The following PC variants were observed in gnomAD, a reference collection of about 807,000 sequenced individuals.
PC encodes the protein pyruvate carboxylase.
Under a neutral mutation model 107.8 loss-of-function variants are expected in PC, and 46 were observed. That is an observed-to-expected ratio of 0.43 (90% CI 0.34 to 0.55). PC has a LOEUF of 0.55. Among genes scored for constraint, PC ranks in the 20% least tolerant of loss-of-function variants. PC has a pLI of 0.04. For missense variants in PC, 1,241 were observed against 1,643.1 expected (o/e 0.76, Z 4.23); for synonymous variants, 662 against 684.7 (o/e 0.97, Z 0.52).
chr11:66,928,127 C>A (rs1948762906), intron 3 of PC, among the ~76,000 whole-genome samples: 1 of 152,138 alleles, frequency 6.6e-6, no homozygotes, highest in South Asian at 2.1e-4. Flanking sequence ...GTGTCTCACA[C>A]CTGTAATCCA....
chr11:66,929,886 A>G (rs1004824027), intron 3 of PC, among the ~76,000 whole-genome samples: 2 of 152,178 alleles, frequency 1.3e-5, no homozygotes, highest in African/African-American at 4.8e-5. Context: ...CTAAAACCCT[A>G]AGGAGGAGAA....
intron 3 of PC, among the ~76,000 whole-genome samples, chr11:66,907,013 C>T (rs1948186739): frequency 1.3e-5 from 2 of 152,178 alleles, no homozygotes; most frequent in African/African-American, 4.8e-5. Context: ...AACTCCAGGG[C>T]ATTTTGTGAA....
Position 66,851,952 on chromosome 11 carries a change from C to G in PC, c.1826-6G>C. The G allele has an allele frequency of 1.2e-6, 2 of 1,613,720 alleles. No homozygotes were observed. Among genetic ancestry groups the G allele is most frequent in the African/African-American group, 1.3e-5 (1 of 75,050 alleles). On this transcript the variant is annotated splice_region_variant and splice_polypyrimidine_tract_variant and intron_variant, in intron 15 of 22. Coordinates refer to ENST00000393960, the MANE Select transcript of PC (RefSeq NM_001040716.2). Reference sequence around the variant, plus strand: ...GGCGACGTCAAACGTGGCTCCTGCACAGGAACCGAGAGGCCCAGATCAGCT... The same window carrying G: ...GGCGACGTCAAACGTGGCTCCTGCAGAGGAACCGAGAGGCCCAGATCAGCT...
chr11:66,895,410 C>A (rs185806659), intron 3 of PC, among the ~76,000 whole-genome samples: 19 of 152,290 alleles, frequency 1.2e-4, no homozygotes, highest in Admixed American at 1.1e-3. Flanking sequence ...TGGGCAGATT[C>A]ATTCAAAGAG....
chr11:66,853,479 C>T, intron 12 of PC, 96 bp from the exon 13 acceptor site: 1 of 1,449,176 alleles, frequency 6.9e-7, no homozygotes. Context: ...GAAGATGCTG[C>T]CCTGGGCCAG....
At position 66,848,614 on chromosome 11, in the gene PC, C is replaced by G. The variant is rs887649559; in HGVS notation, c.*285G>C. The G allele has an allele frequency of 1.7e-6, 1 of 601,662 alleles. No individual in the cohort carries two copies. Among genetic ancestry groups the G allele is most frequent in the African/African-American group, 1.9e-5 (1 of 53,852 alleles). The allele number at this position is 601,662 out of a possible 1,614,324, so 37.3% of individuals were successfully genotyped here. On this transcript the variant is annotated 3_prime_UTR_variant, in exon 23 of 23. Coordinates refer to ENST00000393960, the MANE Select transcript of PC (RefSeq NM_001040716.2). ...TCCCCCAGGAGATAGGACCCCTAAA[C>G]CTCCCCTGGGTCCTAGGACCACCTG...
At chr11:66,890,676 T>C (rs1196784345) in intron 3 of PC, among the ~76,000 whole-genome samples, 2 of 151,478 alleles carry the variant, frequency 1.3e-5, no homozygotes, top group African/African-American at 4.9e-5. Flanking sequence ...AATTTTGTAT[T>C]TTTAGGAGAG....
chr11:66,907,111 C>A (rs1160275010), intron 3 of PC, among the ~76,000 whole-genome samples: 1 of 152,240 alleles, frequency 6.6e-6, no homozygotes, highest in Non-Finnish European at 1.5e-5. Flanking sequence ...TGACCACTGG[C>A]AGCCATGCCA....
chr11:66,887,282 C>T (rs1947405231), intron 3 of PC, among the ~76,000 whole-genome samples: 1 of 152,084 alleles, frequency 6.6e-6, no homozygotes, highest in Non-Finnish European at 1.5e-5. Context: ...GTCAGCGAAC[C>T]ACCACCAGAT....
At chr11:66,900,175 GTTGT>G (rs1947896263) in intron 3 of PC, among the ~76,000 whole-genome samples, 1 of 72,880 alleles carries the variant, frequency 1.4e-5, no homozygotes, top group African/African-American at 5.2e-5. Flanking sequence ...GTCCTCCAAC[GTTGT>G]TTTTTTTTTT....
intron 1 of PC, among the ~76,000 whole-genome samples, chr11:66,956,222 T>C (rs1232060350): frequency 6.6e-6 from 1 of 152,158 alleles, no homozygotes; most frequent in Non-Finnish European, 1.5e-5. Context: ...CACCCAACAG[T>C]GAAGCTGTTT....
At chr11:66,923,228 G>A (rs1020529029) in intron 3 of PC, among the ~76,000 whole-genome samples, 3 of 152,000 alleles carry the variant, frequency 2.0e-5, no homozygotes, top group Admixed American at 2.0e-4. Flanking sequence ...TGGGCGGGGT[G>A]GCATGCAACT....
chr11:66,938,328 T>A (rs1028721520), intron 3 of PC, among the ~76,000 whole-genome samples: 8 of 152,206 alleles, frequency 5.3e-5, no homozygotes, highest in African/African-American at 1.9e-4. Context: ...TTTTGCCAGT[T>A]TTCTCATTCC....
intron 3 of PC, among the ~76,000 whole-genome samples, chr11:66,888,133 C>G (rs1241356867): frequency 6.6e-6 from 1 of 152,234 alleles, no homozygotes; most frequent in South Asian, 2.1e-4. Context: ...CTTCTTCCTT[C>G]TAAGGTAACA....
chr11:66,930,758 A>C (rs1407369540), intron 3 of PC, among the ~76,000 whole-genome samples: 4 of 151,822 alleles, frequency 2.6e-5, no homozygotes, highest in Non-Finnish European at 2.9e-5. Context: ...AAAAAAAAAA[A>C]AAAAAAAGTT....
chr11:66,905,918 G>C (rs1175006522), intron 3 of PC, among the ~76,000 whole-genome samples: 2 of 152,132 alleles, frequency 1.3e-5, no homozygotes, highest in Non-Finnish European at 2.9e-5. Context: ...CAGGAGCAGA[G>C]GTGGAACAGC....
At chr11:66,880,217 G>A (rs953670451) in intron 3 of PC, among the ~76,000 whole-genome samples, 3 of 152,162 alleles carry the variant, frequency 2.0e-5, no homozygotes, top group African/African-American at 7.2e-5. Flanking sequence ...GGGAGAAACC[G>A]CACTGTAAGA....
Position 66,851,212 on chromosome 11 carries a change from G to A in PC, c.2051C>T (p.Pro684Leu), listed in dbSNP as rs1353899255. 2 of 1,608,542 alleles carry A rather than the reference G, an allele frequency of 1.2e-6. No individual in the cohort carries two copies. Among genetic ancestry groups the A allele is most frequent in the Admixed American group, 3.3e-5 (2 of 60,026 alleles). Reference sequence around the variant, plus strand: ...CGCCTCCATGCCCAGCAGCATGTTGGGCAAGTAGTTGAGGGAGTCAAACAC... The same window carrying A: ...CGCCTCCATGCCCAGCAGCATGTTGAGCAAGTAGTTGAGGGAGTCAAACAC... Reference protein sequence around the residue: ...FRVFDSLNYLPNMLLGMEAAG... With the variant: ...FRVFDSLNYLLNMLLGMEAAG... The change falls in exon 17 of 23, where the codon CCC becomes CTC. Residue 684 changes from proline to leucine, a missense_variant. Physicochemically the swap from Pro to Leu is moderately conservative, Grantham distance 98. Around this residue, in one of 2 missense-constraint regions of PC, gnomAD observed 1,143 missense variants for 1,551.9 expected, o/e 0.74. Transcript: ENST00000393960.
At chr11:66,887,991 T>G (rs962581682) in intron 3 of PC, among the ~76,000 whole-genome samples, 2 of 152,264 alleles carry the variant, frequency 1.3e-5, no homozygotes, top group African/African-American at 2.4e-5. Flanking sequence ...CCTCTGGCTC[T>G]GTCTCCACAT....
Sources: allele counts gnomAD v4.1 joint callset (sites outside exome capture counted in the v4.1 genomes callset), GRCh38; gene constraint gnomAD v4.1.1; regional missense constraint gnomAD v4.1.1; transcripts MANE v1.5; gene names NCBI Gene and HGNC (gene_info 2026-07-23, HGNC 2026-07-21).